CDH13: variants seen among roughly 807,000 people sequenced by gnomAD.
The protein encoded by CDH13 is cadherin-13.
In CDH13, 24 loss-of-function variants were observed where a neutral mutation model predicts 63.8. The observed-to-expected ratio is 0.38, with a 90% CI of 0.27 to 0.53. CDH13 has a LOEUF of 0.53. CDH13 is among the 20% of genes least tolerant of loss of function. The probability of loss-of-function intolerance (pLI) is 0.85; values close to 1 mark genes in which losing one functional copy is unlikely to be tolerated. For missense variants in CDH13, 1,049 were observed against 903.1 expected (o/e 1.16, Z -2.07); for synonymous variants, 503 against 355.3 (o/e 1.42, Z -4.67).
chr16:83,593,915 T>G (rs927802498), intron 7 of CDH13, among the ~76,000 whole-genome samples: 5 of 152,204 alleles, frequency 3.3e-5, no homozygotes, highest in African/African-American at 1.2e-4. Context: ...ACTCATTATC[T>G]ATTGCTGCAT....
At chr16:82,975,524 C>T (rs1250876096) in intron 2 of CDH13, among the ~76,000 whole-genome samples, 1 of 152,206 alleles carries the variant, frequency 6.6e-6, no homozygotes, top group African/African-American at 2.4e-5. Context: ...TGCCATGTGG[C>T]TTACATGAGA....
At chr16:82,814,502 A>G (rs982672253) in intron 1 of CDH13, among the ~76,000 whole-genome samples, 1 of 152,248 alleles carries the variant, frequency 6.6e-6, no homozygotes, top group Non-Finnish European at 1.5e-5. Context: ...ATAACCCCAA[A>G]GGACAGGGGT....
intron 5 of CDH13, among the ~76,000 whole-genome samples, chr16:83,307,297 C>T: frequency 6.6e-6 from 1 of 152,168 alleles, no homozygotes; most frequent in East Asian, 1.9e-4. Context: ...TGTATCTTAT[C>T]CCCAGCACGA....
At chr16:83,764,290 C>T (rs1914209854) in intron 11 of CDH13, among the ~76,000 whole-genome samples, 1 of 152,102 alleles carries the variant, frequency 6.6e-6, no homozygotes, top group African/African-American at 2.4e-5. Flanking sequence ...TCCAATTAGC[C>T]AGAAAAGGTG....
intron 5 of CDH13, among the ~76,000 whole-genome samples, chr16:83,273,784 C>G (rs1050186999): frequency 1.3e-5 from 2 of 152,062 alleles, no homozygotes; most frequent in Non-Finnish European, 2.9e-5. Context: ...TTTTTATTTT[C>G]GTAACTACGC....
chr16:83,342,287 T>C (rs2090742857), intron 5 of CDH13, among the ~76,000 whole-genome samples: 1 of 152,208 alleles, frequency 6.6e-6, no homozygotes, highest in Non-Finnish European at 1.5e-5. Context: ...TGAAATTATC[T>C]TGTTCATATC....
chr16:83,269,648 T>C (rs1315931584), intron 5 of CDH13, among the ~76,000 whole-genome samples: 4 of 152,154 alleles, frequency 2.6e-5, no homozygotes, highest in Admixed American at 6.6e-5. Flanking sequence ...TAGTTGTGGA[T>C]TAGGTCCTAT....
At chr16:83,005,341 C>T (rs911052981) in intron 2 of CDH13, among the ~76,000 whole-genome samples, 1 of 152,192 alleles carries the variant, frequency 6.6e-6, no homozygotes, top group South Asian at 2.1e-4. Flanking sequence ...CCTCCTCACT[C>T]TTTCTCCCTG....
intron 7 of CDH13, among the ~76,000 whole-genome samples, chr16:83,519,720 G>A (rs1031346785): frequency 6.6e-6 from 1 of 152,138 alleles, no homozygotes; most frequent in Non-Finnish European, 1.5e-5. Flanking sequence ...ATGCTCTAGG[G>A]CAATGGTGCG....
At chr16:83,307,765 C>G (rs985268304) in intron 5 of CDH13, among the ~76,000 whole-genome samples, 1 of 152,106 alleles carries the variant, frequency 6.6e-6, no homozygotes, top group African/African-American at 2.4e-5. Flanking sequence ...AATTTTTTCC[C>G]CGGAAATGTT....
intron 2 of CDH13, among the ~76,000 whole-genome samples, chr16:82,862,722 G>A (rs2039991853): frequency 2.0e-5 from 3 of 152,208 alleles, no homozygotes. Flanking sequence ...ACAAGAGCAG[G>A]CTAGGCTAGG....
intron 2 of CDH13, among the ~76,000 whole-genome samples, chr16:82,916,250 G>A (rs2041984889): frequency 6.6e-6 from 1 of 152,092 alleles, no homozygotes; most frequent in Admixed American, 6.6e-5. Context: ...CAGTGTAGAA[G>A]GTGAGAGATT....
At position 83,380,594 on chromosome 16, in the gene CDH13, C is replaced by T. The variant is rs147544538; in HGVS notation, c.781+35588C>T. On this transcript the variant is annotated intron_variant, in intron 6 of 13. Coordinates refer to ENST00000567109, the MANE Select transcript of CDH13 (RefSeq NM_001257.5). The stretch of plus-strand genomic sequence containing the variant: ...AGGTCTGTATAGGGCAGTCTGGAGA[C>T]GTCATTTGGGACAAAATTCTACCAT... Among the ~76,000 whole-genome samples, 1,138 of 152,274 alleles carry T rather than the reference C, an allele frequency of 7.5e-3. 9 individuals are homozygous for T. The highest frequency in any genetic ancestry group is 0.011 in the Non-Finnish European group (774 of 68,026).
chr16:83,765,487 T>G (rs1212712051), intron 11 of CDH13, among the ~76,000 whole-genome samples: 2 of 152,164 alleles, frequency 1.3e-5, no homozygotes, highest in Non-Finnish European at 2.9e-5. Flanking sequence ...GTTATATTAT[T>G]GCAAACTTAT....
chr16:82,835,701 T>C (rs558629453), intron 1 of CDH13, among the ~76,000 whole-genome samples: 2 of 152,172 alleles, frequency 1.3e-5, no homozygotes, highest in African/African-American at 2.4e-5. Flanking sequence ...GTTCTCTAGA[T>C]AGAAGTTTCC....
At chr16:83,485,347 C>G (rs919314671) in intron 6 of CDH13, among the ~76,000 whole-genome samples, 2 of 152,196 alleles carry the variant, frequency 1.3e-5, no homozygotes, top group Non-Finnish European at 1.5e-5. Flanking sequence ...CCCTTTATAT[C>G]AGCTGCATGG....
chr16:83,288,579 C>T (rs1244801233), intron 5 of CDH13, among the ~76,000 whole-genome samples: 1 of 152,204 alleles, frequency 6.6e-6, no homozygotes, highest in South Asian at 2.1e-4. Flanking sequence ...GCCAGCTGTC[C>T]AGGCAGGACC....
chr16:83,635,457 C>T (rs1361038816), intron 8 of CDH13, among the ~76,000 whole-genome samples: 5 of 149,922 alleles, frequency 3.3e-5, no homozygotes, highest in Non-Finnish European at 1.5e-5. Context: ...GATTCTCCTG[C>T]CTCAGCCTCC....
intron 1 of CDH13, among the ~76,000 whole-genome samples, chr16:82,852,822 C>G (rs1275519077): frequency 6.6e-6 from 1 of 152,196 alleles, no homozygotes; most frequent in Non-Finnish European, 1.5e-5. Flanking sequence ...ACAGACTTCT[C>G]TGGCTAAACT....
Sources: gnomAD v4.1 joint callset for allele counts (sites outside exome capture counted in the v4.1 genomes callset) on GRCh38, gnomAD v4.1.1 for gene constraint, MANE v1.5 for transcripts, NCBI Gene and HGNC (gene_info 2026-07-23, HGNC 2026-07-21) for gene names.